The following ABLIM1 variants were observed in gnomAD, a reference collection of about 807,000 sequenced individuals.
The protein encoded by ABLIM1 is actin binding LIM protein 1, also known as actin-binding LIM protein 1.
In ABLIM1, 40 loss-of-function variants were observed where a neutral mutation model predicts 107.0. That is an observed-to-expected ratio of 0.37 (90% CI 0.29 to 0.49). ABLIM1 has a LOEUF of 0.49. Ranked by LOEUF, ABLIM1 falls within the 20% of genes least tolerant of loss-of-function variation. The pLI is 0.97. For missense variants in ABLIM1, 857 were observed against 1,008.5 expected (o/e 0.85, Z 2.04); for synonymous variants, 357 against 357.3 (o/e 1.00, Z 0.01).
chr10:114,459,556 T>TC (rs1400870749), intron 12 of ABLIM1, among the ~76,000 whole-genome samples: 1 of 126,596 alleles, frequency 7.9e-6, no homozygotes, highest in Non-Finnish European at 1.8e-5. Context: ...CCACCACATA[T>TC]CTTTTTTTTT....
At chr10:114,471,197 G>C (rs747399418) in intron 10 of ABLIM1, among the ~76,000 whole-genome samples, 4 of 152,172 alleles carry the variant, frequency 2.6e-5, no homozygotes, top group East Asian at 1.9e-4. Context: ...GTCTGGCAGA[G>C]TCTGGTTTTA....
At chr10:114,701,310 T>C (rs1322580978) in intron 1 of ABLIM1, among the ~76,000 whole-genome samples, 1 of 152,188 alleles carries the variant, frequency 6.6e-6, no homozygotes, top group Non-Finnish European at 1.5e-5. Flanking sequence ...AATACATTTC[T>C]AGTGAGAATA....
chr10:114,784,379 A>AAGAG, the ABLIM1 span, among the ~76,000 whole-genome samples: 3 of 124,632 alleles, frequency 2.4e-5, no homozygotes, highest in African/African-American at 8.9e-5. Flanking sequence ...GAAAGAAAGA[A>AAGAG]ATGGGCCGGG....
chr10:114,796,736 C>T, the ABLIM1 span, among the ~76,000 whole-genome samples: 1 of 152,202 alleles, frequency 6.6e-6, no homozygotes, highest in Admixed American at 6.5e-5. Flanking sequence ...CCCACTGCTA[C>T]TCCCAGACCT....
intron 1 of ABLIM1, among the ~76,000 whole-genome samples, chr10:114,749,081 TC>T (rs2082451455): frequency 6.6e-6 from 1 of 152,194 alleles, no homozygotes. Context: ...AACAATTTAA[TC>T]TATATACCAT....
intron 1 of ABLIM1, 73 bp downstream of exon 1, chr10:114,657,884 T>A: frequency 8.0e-7 from 1 of 1,244,488 alleles, no homozygotes; most frequent in Admixed American, 2.0e-5. Context: ...AGAAGAATGA[T>A]CTGGATAGTA....
At chr10:114,777,528 G>A in the ABLIM1 span, among the ~76,000 whole-genome samples, 14 of 152,088 alleles carry the variant, frequency 9.2e-5, no homozygotes, top group Non-Finnish European at 1.8e-4. Context: ...AATAATTGAG[G>A]GTAACTGGCC....
chr10:114,575,375 T>C, intron 3 of ABLIM1, 41 bp downstream of exon 3: 1 of 1,596,772 alleles, frequency 6.3e-7, no homozygotes, highest in South Asian at 1.1e-5. Flanking sequence ...CATTTCTCTG[T>C]TGGAGGAAGG....
chr10:114,734,798 G>T (rs1017734494), intron 1 of ABLIM1, among the ~76,000 whole-genome samples: 3 of 152,118 alleles, frequency 2.0e-5, no homozygotes, highest in African/African-American at 7.2e-5. Flanking sequence ...GGTTTCTTTG[G>T]TATGTATCTC....
chr10:114,448,878 G>A (rs193127352), intron 14 of ABLIM1, among the ~76,000 whole-genome samples: 1 of 152,290 alleles, frequency 6.6e-6, no homozygotes, highest in Admixed American at 6.5e-5. Context: ...CCAAAGTGCT[G>A]GGATTACAGG....
At chr10:114,472,158 A>G (rs2066711340) in intron 10 of ABLIM1, among the ~76,000 whole-genome samples, 1 of 152,200 alleles carries the variant, frequency 6.6e-6, no homozygotes, top group Non-Finnish European at 1.5e-5. Flanking sequence ...TAATTGCTTT[A>G]CATAGATTAG....
At position 114,469,015 on chromosome 10, in the gene ABLIM1, G is replaced by A. The variant is rs193037174; in HGVS notation, c.1276-799C>T. Among the ~76,000 whole-genome samples the A allele has an allele frequency of 8.2e-3, 1,089 of 133,608 alleles. 4 individuals are homozygous for A. The highest frequency in any genetic ancestry group is 0.03 in the Middle Eastern group (6 of 200). 87.7% of individuals were successfully genotyped at this position (133,608 alleles called of 152,430 possible). On this transcript the variant is annotated intron_variant, in intron 10 of 22. Transcript: ENST00000533213. ...TGCAGTGAGCCGAGATCACGCCACTGCACTCCAGCCTGGGAGACAGAGCGA... is the reference window on the plus strand; with the variant it reads ...TGCAGTGAGCCGAGATCACGCCACTACACTCCAGCCTGGGAGACAGAGCGA...
At chr10:114,514,645 T>G (rs985388240) in intron 6 of ABLIM1, among the ~76,000 whole-genome samples, 1 of 152,192 alleles carries the variant, frequency 6.6e-6, no homozygotes, top group Non-Finnish European at 1.5e-5. Context: ...TCCCAAAGTG[T>G]TGGGATTACA....
At chr10:114,760,577 G>T (rs1015257576) in intron 1 of ABLIM1, among the ~76,000 whole-genome samples, 8 of 152,118 alleles carry the variant, frequency 5.3e-5, no homozygotes, top group Non-Finnish European at 1.2e-4. Flanking sequence ...TTAAATAATG[G>T]AGATAAAATA....
chr10:114,439,342 C>T lies in ABLIM1; in HGVS notation c.2068-92G>A. On this transcript the variant is annotated intron_variant, in intron 20 of 22. Coordinates refer to ENST00000533213, the MANE Select transcript of ABLIM1 (RefSeq NM_002313.7). ...GGGCTCCCAATTCCCTGTTGGGTCT[C>T]CAATCCTAACCACTATTTTATTTGT... 4 of 1,190,544 alleles carry T rather than the reference C, an allele frequency of 3.4e-6. No individual in the cohort carries two copies. In the Admixed American group the frequency reaches 7.2e-5, roughly 22 times the overall value. 73.7% of individuals were successfully genotyped at this position (1,190,544 alleles called of 1,614,324 possible). A position where few individuals can be genotyped will look rare whatever the true frequency, so the allele number is the denominator to read the frequency against.
intron 2 of ABLIM1, among the ~76,000 whole-genome samples, chr10:114,599,548 A>T (rs9421190): frequency 0.27 from 40,796 of 151,832 alleles, 6,742 homozygotes; most frequent in African/African-American, 0.46. Flanking sequence ...GAGGCAGGAG[A>T]ATCCCTTGAG....
Position 114,472,996 on chromosome 10 carries a change from T to C in ABLIM1, c.1256A>G (p.Glu419Gly). The C allele has an allele frequency of 6.2e-7, 1 of 1,604,954 alleles. No homozygotes were observed. The highest frequency in any genetic ancestry group is 8.5e-7 in the Non-Finnish European group (1 of 1,175,066). ...TATTACCTCTCCAAGGCTCTGTCTC[T>C]CCTGTTTGTCATCATAGCCCGAAGT... ...FYTSGYDDKQ[E>G]RQSLGESPRT... The change falls in exon 10 of 23, where the codon GAG (glutamate) becomes GGG (glycine). Residue 419 changes from glutamate (E) to glycine (G), a missense_variant. Glu to Gly is a moderately conservative substitution (Grantham distance 98, BLOSUM62 -2). Coordinates refer to ENST00000533213, the MANE Select transcript of ABLIM1 (RefSeq NM_002313.7).
intron 1 of ABLIM1, among the ~76,000 whole-genome samples, chr10:114,645,968 C>T (rs1258299977): frequency 2.0e-5 from 3 of 152,180 alleles, no homozygotes; most frequent in Non-Finnish European, 4.4e-5. Context: ...CTGCATATTG[C>T]TACAATTCAA....
intron 8 of ABLIM1, chr10:114,485,252 G>A (rs2058015593): frequency 2.0e-6 from 3 of 1,499,496 alleles, no homozygotes; most frequent in African/African-American, 2.8e-5. Context: ...AGAAGCCTGG[G>A]CCCAGGACAG....
Sources: allele counts gnomAD v4.1 joint callset (sites outside exome capture counted in the v4.1 genomes callset), GRCh38; gene constraint gnomAD v4.1.1; transcripts MANE v1.5; gene names NCBI Gene and HGNC (gene_info 2026-07-23, HGNC 2026-07-21).